Variants in CCDC22 observed in about 807,000 individuals in gnomAD.
CCDC22 encodes coiled-coil domain-containing protein 22.
A neutral mutation model predicts 53.1 loss-of-function variants in CCDC22; 4 were observed. The ratio of observed to expected loss-of-function variants is 0.08; its 90% CI spans 0.04 to 0.17. The LOEUF (loss-of-function observed/expected upper bound fraction) is 0.17. Among genes scored for constraint, CCDC22 ranks in the 10% least tolerant of loss-of-function variants. The pLI, the probability that CCDC22 is intolerant of heterozygous loss-of-function variation, is 1.00. For synonymous variants in CCDC22, 222 were observed against 224.4 expected (o/e 0.99, Z 0.10); for missense variants, 458 against 554.0 (o/e 0.83, Z 1.74).
Position 49,235,628 on chromosome X carries a change from G to A in CCDC22, c.-9G>A, listed in dbSNP as rs782366331. On this transcript the variant is annotated 5_prime_UTR_variant, in exon 1 of 17. Transcript: ENST00000376227. ...TGGACCCAGCCCCCGACTCCGACAC[G>A]GCTCCACCATGGAGGAGGCGGACCG... The A allele has an allele frequency of 8.5e-7, 1 of 1,176,885 alleles. No individual in the cohort carries two copies. Among genetic ancestry groups the A allele is most frequent in the Non-Finnish European group, 1.1e-6 (1 of 877,933 alleles).
At chrX:49,240,021 G>A (rs1557113183) in intron 2 of CCDC22, among the ~76,000 whole-genome samples, 1 of 108,984 alleles carries the variant, frequency 9.2e-6, no homozygotes, top group African/African-American at 3.4e-5. Context: ...AGTCTGAGGT[G>A]GGAGGATCAG....
chrX:49,237,330 T>C (rs932235705), intron 2 of CCDC22, 67 bp downstream of exon 2: 1 of 993,869 alleles, frequency 1.0e-6, no homozygotes, highest in Non-Finnish European at 1.4e-6. Flanking sequence ...CCAAGTTCCT[T>C]TGCAACACTT....
chrX:49,240,125 C>T (rs1472661600), intron 2 of CCDC22, among the ~76,000 whole-genome samples: 1 of 108,342 alleles, frequency 9.2e-6, no homozygotes. Flanking sequence ...TGGTGGCACA[C>T]GCCTGTGGTC....
At chrX:49,242,281 C>T in intron 3 of CCDC22, 133 bp downstream of exon 3, 1 of 1,096,187 alleles carries the variant, frequency 9.1e-7, no homozygotes, top group Admixed American at 3.1e-5. Context: ...TTCAGGAGAG[C>T]TAGGCAGGAG....
chrX:49,242,165 G>T lies in CCDC22; in HGVS notation c.361+17G>T, dbSNP rs2294018. ...AGCCTGCAGGTACTGGGTGTCTGGG[G>T]TGTGGGCGGGGGCGGTGAGGGGAGA... On this transcript the variant is annotated intron_variant, in intron 3 of 16. Transcript: ENST00000376227. The T allele has an allele frequency of 1.7e-6, 2 of 1,205,914 alleles. No individual in the cohort carries two copies. The highest frequency in any genetic ancestry group is 1.8e-5 in the South Asian group (1 of 56,522).
At chrX:49,241,767 ATCTTT>A (rs2065964972) in intron 2 of CCDC22, among the ~76,000 whole-genome samples, 1 of 111,368 alleles carries the variant, frequency 9.0e-6, no homozygotes, top group African/African-American at 3.3e-5. Context: ...AAAAGTACCC[ATCTTT>A]TCTTTTATGG....
chrX:49,242,966 C>T lies in CCDC22; in HGVS notation c.442C>T (p.Arg148Cys), dbSNP rs1384929012. ...LALPWVPPHL[R>C]TPKLQHLQGS... ...ACTGCCTTGGGTCCCGCCCCACCTT[C>T]GCACTCCCAAGCTGCAGCACCTCCA... The change falls in exon 4 of 17, where the codon CGC becomes TGC. Residue 148 changes from arginine (R) to cysteine (C), a missense_variant. Physicochemically the swap from Arg to Cys is radical, Grantham distance 180 (BLOSUM62 -3). Transcript: ENST00000376227. 1.0e-5 allele frequency: 12 copies of T among 1,162,132 alleles called. No homozygotes were observed. Among genetic ancestry groups the T allele is most frequent in the Non-Finnish European group, 2.3e-6 (2 of 868,957 alleles).
At position 49,242,946 on chromosome X, in the gene CCDC22, C is replaced by G. The variant is rs2065971232; in HGVS notation, c.422C>G (p.Pro141Arg). Residue 141 changes from proline to arginine, a missense_variant, in exon 4 of 17, where the codon CCT becomes CGT. Physicochemically the swap from Pro to Arg is moderately radical, Grantham distance 103. Coordinates refer to ENST00000376227, the MANE Select transcript of CCDC22 (RefSeq NM_014008.5). ...GSQIRDQLALPWVPPHLRTPK... is the reference protein window; with the variant it reads ...GSQIRDQLALRWVPPHLRTPK... The stretch of plus-strand genomic sequence containing the variant: ...CAAATTCGGGACCAGCTGGCACTGC[C>G]TTGGGTCCCGCCCCACCTTCGCACT... 7 of 1,169,036 alleles carry G rather than the reference C, an allele frequency of 6.0e-6. No individual in the cohort carries two copies. Among genetic ancestry groups the G allele is most frequent in the East Asian group, 3.1e-5 (1 of 32,608 alleles).
chrX:49,243,757 G>C (rs1245761952), intron 6 of CCDC22, among the ~76,000 whole-genome samples: 3 of 112,413 alleles, frequency 2.7e-5, no homozygotes, highest in African/African-American at 9.7e-5. Flanking sequence ...CTGGCAACTG[G>C]AGCAATCCAG....
intron 2 of CCDC22, among the ~76,000 whole-genome samples, chrX:49,241,207 G>A (rs2065961816): frequency 9.0e-6 from 1 of 111,702 alleles, no homozygotes; most frequent in Admixed American, 9.5e-5. Context: ...GCTTTCCTAG[G>A]CCGGGTGTGG....
chrX:49,246,226 CCTTT>C (rs2065989086), intron 6 of CCDC22, among the ~76,000 whole-genome samples: 1 of 111,889 alleles, frequency 8.9e-6, no homozygotes, highest in Admixed American at 9.5e-5. Flanking sequence ...CCTACCTTGG[CCTTT>C]CAAAGGGCTA....
chrX:49,239,419 T>G, intron 2 of CCDC22: 1 of 737,873 alleles, frequency 1.4e-6, no homozygotes, highest in Non-Finnish European at 1.6e-6. Context: ...TAAATGGGAT[T>G]ACTATTATTG....
intron 1 of CCDC22, 114 bp downstream of exon 1, chrX:49,235,800 C>G: frequency 3.6e-6 from 2 of 550,075 alleles, no homozygotes; most frequent in Non-Finnish European, 6.0e-6. Context: ...GGCTCCAACT[C>G]CAGGATCCTA....
chrX:49,249,213 C>A lies in CCDC22; in HGVS notation c.1586C>A (p.Ser529Tyr), dbSNP rs202000507. 41 of 1,209,524 alleles carry A rather than the reference C, an allele frequency of 3.4e-5. No individual in the cohort carries two copies. The highest frequency in any genetic ancestry group is 8.9e-6 in the Non-Finnish European group (8 of 894,354). Residue 529 changes from serine to tyrosine, a missense_variant, in exon 14 of 17, where the codon TCT (serine) becomes TAT (tyrosine). By Grantham distance (144) the Ser-to-Tyr change is moderately radical. Around this residue, in one of 4 missense-constraint regions of CCDC22, gnomAD observed 48 missense variants for 83.4 expected, o/e 0.58. Transcript: ENST00000376227. The part of the protein sequence containing the change: ...KELQKEINSL[S>Y]GKLDRTFAVT... ...CTTCAGAAGGAAATCAACTCCCTAT[C>A]TGGGAAGCTGGACCGGACGTTTGCG... is the stretch of plus-strand genomic sequence containing the variant.
chrX:49,247,364 A>T, intron 7 of CCDC22, 132 bp from the exon 8 acceptor site: 1 of 574,298 alleles, frequency 1.7e-6, no homozygotes, highest in Non-Finnish European at 2.8e-6. Flanking sequence ...ACATAGTCAC[A>T]GTCTGGCCAC....
rs184896758 is a variant in CCDC22, at chrX:49,248,262, C to T, written c.1164C>T (p.Arg388=). 1.4e-4 allele frequency: 159 copies of T among 1,163,366 alleles called. 1 individual carries two copies. The East Asian group carries it at 4.5e-3, about 33-fold the overall frequency. The part of the protein sequence containing the change: ...EREQALRLKS[R]AVELLPDGTA... ...AGCAGGCCCTGCGCCTGAAGAGCCG[C>T]GCGGTGGAGCTGCTGCCCGATGGGA... is the stretch of plus-strand genomic sequence containing the variant. The change falls in exon 10 of 17, where the codon CGC becomes CGT. Residue 388 remains arginine (R), a synonymous_variant. Transcript: ENST00000376227.
chrX:49,249,055 C>A, intron 13 of CCDC22, 112 bp from the exon 14 acceptor site: 1 of 1,109,411 alleles, frequency 9.0e-7, no homozygotes. Context: ...CACAATCCAT[C>A]CCAGTCACCC....
At chrX:49,241,643 A>G (rs1188336821) in intron 2 of CCDC22, among the ~76,000 whole-genome samples, 1 of 111,601 alleles carries the variant, frequency 9.0e-6, no homozygotes, top group East Asian at 2.8e-4. Context: ...TATAATAGGT[A>G]GATTTGCTCT....
intron 6 of CCDC22, among the ~76,000 whole-genome samples, chrX:49,244,284 T>C (rs1223451558): frequency 1.8e-5 from 2 of 111,047 alleles, no homozygotes; most frequent in East Asian, 5.6e-4. Flanking sequence ...TTCTCCTCTG[T>C]CTACTTCTTT....
Sources: gnomAD v4.1 joint callset for allele counts (sites outside exome capture counted in the v4.1 genomes callset) on GRCh38, gnomAD v4.1.1 for gene constraint, gnomAD v4.1.1 regional missense constraint, MANE v1.5 for transcripts, NCBI Gene and HGNC (gene_info 2026-07-23, HGNC 2026-07-21) for gene names.